WRN: variants seen among roughly 807,000 people sequenced by gnomAD.
WRN encodes the protein WRN RecQ like helicase.
In WRN, 149 loss-of-function variants were observed where a neutral mutation model predicts 180.7. The ratio of observed to expected loss-of-function variants is 0.82; its 90% CI spans 0.72 to 0.94. The LOEUF (loss-of-function observed/expected upper bound fraction) is 0.94. WRN is among the 40% of genes least tolerant of loss of function. The probability of loss-of-function intolerance (pLI) is 0.00; values close to 1 mark genes in which losing one functional copy is unlikely to be tolerated. For missense variants in WRN, 1,661 were observed against 1,700.1 expected (o/e 0.98, Z 0.40); for synonymous variants, 548 against 568.9 (o/e 0.96, Z 0.52).
At chr8:31,170,962 A>G (rs1347337885) in intron 34 of WRN, among the ~76,000 whole-genome samples, 3 of 152,226 alleles carry the variant, frequency 2.0e-5, no homozygotes, top group Non-Finnish European at 4.4e-5. Context: ...CTACCAATTA[A>G]TGAGTTTGAA....
intron 21 of WRN, among the ~76,000 whole-genome samples, chr8:31,121,307 G>C (rs1263684862): frequency 6.6e-6 from 1 of 151,958 alleles, no homozygotes; most frequent in Non-Finnish European, 1.5e-5. Flanking sequence ...AAAATGATAA[G>C]AGAGTGCCTC....
At chr8:31,066,484 T>G (rs923764850) in intron 5 of WRN, among the ~76,000 whole-genome samples, 1 of 152,174 alleles carries the variant, frequency 6.6e-6, no homozygotes, top group Non-Finnish European at 1.5e-5. Context: ...TAAGCAAGCC[T>G]TCTCTTTTCC....
chr8:31,072,076 A>G (rs1028745146), intron 7 of WRN, among the ~76,000 whole-genome samples: 2 of 152,186 alleles, frequency 1.3e-5, no homozygotes, highest in African/African-American at 4.8e-5. Flanking sequence ...GAGTTAAGAG[A>G]GTTGGGACTG....
chr8:31,171,399 T>C (rs1194641374), intron 34 of WRN: 1 of 151,212 alleles, frequency 6.6e-6, no homozygotes, highest in East Asian at 1.9e-4. Context: ...AAAGAAGACA[T>C]TTATGTAGCC....
chr8:31,097,691 A>T (rs1257988172), intron 17 of WRN, among the ~76,000 whole-genome samples: 1 of 151,998 alleles, frequency 6.6e-6, no homozygotes, highest in Non-Finnish European at 1.5e-5. Flanking sequence ...AGGTAGGAGG[A>T]TTGTTTGAGC....
chr8:31,162,461 CCTT>C (rs1435077022), intron 33 of WRN, among the ~76,000 whole-genome samples: 1 of 152,154 alleles, frequency 6.6e-6, no homozygotes, highest in African/African-American at 2.4e-5. Context: ...GATAACAATG[CCTT>C]CTTCTGGACA....
chr8:31,124,393 G>T (rs1019997005), intron 21 of WRN, 129 bp from the exon 22 acceptor site: 8 of 700,498 alleles, frequency 1.1e-5, no homozygotes, highest in Non-Finnish European at 1.9e-5. Context: ...TGCTAGAAAT[G>T]TTTTTTTATC....
intron 1 of WRN, among the ~76,000 whole-genome samples, chr8:31,049,813 C>T (rs1170668753): frequency 3.3e-5 from 5 of 152,016 alleles, no homozygotes; most frequent in African/African-American, 9.7e-5. Flanking sequence ...AAAGACCTAT[C>T]ACTAGTCCTG....
In WRN at chr8:31,087,815, C is replaced by G; in HGVS notation, c.1471C>G (p.His491Asp). ...CAATAGTGGCACGGTAGAACCAACT[C>G]ATTCTAAATGCTTAAAAATGGAAAG... is the stretch of plus-strand genomic sequence containing the variant. ...NLNSGTVEPT[H>D]SKCLKMERNL... The change falls in exon 12 of 35, where the codon CAT (histidine) becomes GAT (aspartate). Residue 491 changes from histidine (H) to aspartate (D), a missense_variant. His to Asp is a moderately conservative substitution (Grantham distance 81, BLOSUM62 -1). Transcript: ENST00000298139. 1 of 1,613,614 alleles carries G rather than the reference C, an allele frequency of 6.2e-7. No homozygotes were observed. Among genetic ancestry groups the G allele is most frequent in the Non-Finnish European group, 8.5e-7 (1 of 1,179,776 alleles).
chr8:31,066,125 G>A (rs1187783622), intron 5 of WRN, among the ~76,000 whole-genome samples: 1 of 151,940 alleles, frequency 6.6e-6, no homozygotes, highest in Admixed American at 6.6e-5. Context: ...TAATCTGCCT[G>A]CCTCGGCCTC....
At chr8:31,124,727 G>C in intron 22 of WRN, 104 bp downstream of exon 22, 1 of 1,308,096 alleles carries the variant, frequency 7.6e-7, no homozygotes. Context: ...AAAATATTTT[G>C]TTGCTGTTAC....
intron 12 of WRN, among the ~76,000 whole-genome samples, chr8:31,088,128 T>C (rs1211661524): frequency 1.3e-5 from 2 of 152,226 alleles, no homozygotes; most frequent in Non-Finnish European, 2.9e-5. Flanking sequence ...AGCATTATGA[T>C]GATAAAAATA....
intron 1 of WRN, among the ~76,000 whole-genome samples, chr8:31,044,668 A>G (rs1444766583): frequency 3.9e-5 from 6 of 152,148 alleles, no homozygotes; most frequent in South Asian, 2.1e-4. Context: ...TTCATTTTCT[A>G]TTTTGAAATT....
chr8:31,149,726 C>T (rs974865151), intron 30 of WRN, among the ~76,000 whole-genome samples: 4 of 151,876 alleles, frequency 2.6e-5, no homozygotes, highest in Non-Finnish European at 5.9e-5. Flanking sequence ...CCACCCGCCC[C>T]GGCCTCCCAA....
intron 1 of WRN, among the ~76,000 whole-genome samples, chr8:31,035,958 A>C (rs1338934760): frequency 6.6e-6 from 1 of 152,068 alleles, no homozygotes; most frequent in South Asian, 2.1e-4. Context: ...CTCAAACCCT[A>C]TGATATTCCT....
chr8:31,096,342 C>G (rs938498909), intron 16 of WRN, among the ~76,000 whole-genome samples: 1 of 152,090 alleles, frequency 6.6e-6, no homozygotes, highest in African/African-American at 2.4e-5. Flanking sequence ...TTGCCCCAGA[C>G]CTAGCTTTAT....
intron 31 of WRN, 63 bp from the exon 32 acceptor site, chr8:31,154,561 T>C (rs910415475): frequency 3.3e-6 from 5 of 1,524,248 alleles, no homozygotes; most frequent in Admixed American, 3.9e-5. Flanking sequence ...CTAATTATCA[T>C]ACATATATTC....
chr8:31,081,604 C>T (rs140065398), intron 9 of WRN, among the ~76,000 whole-genome samples: 23 of 152,284 alleles, frequency 1.5e-4, no homozygotes, highest in Non-Finnish European at 4.4e-5. Context: ...ATAGTATCAA[C>T]AGACATTTGT....
chr8:31,055,698 C>G (rs964389328), intron 1 of WRN, among the ~76,000 whole-genome samples: 30 of 151,716 alleles, frequency 2.0e-4, no homozygotes, highest in African/African-American at 7.3e-4. Context: ...CAAAAATTTT[C>G]TCCCATTCTG....
Sources: allele counts gnomAD v4.1 joint callset (sites outside exome capture counted in the v4.1 genomes callset), GRCh38; gene constraint gnomAD v4.1.1; transcripts MANE v1.5; gene names NCBI Gene and HGNC (gene_info 2026-07-23, HGNC 2026-07-21).